The following SOX5 variants were observed in gnomAD, a reference collection of about 807,000 sequenced individuals.
SOX5 encodes transcription factor SOX-5.
In SOX5, 9 loss-of-function variants were observed where a neutral mutation model predicts 92.0. The ratio of observed to expected loss-of-function variants is 0.10; its 90% CI spans 0.06 to 0.17. The LOEUF is 0.17. Among genes scored for constraint, SOX5 ranks in the 10% least tolerant of loss-of-function variants. The pLI, the probability that SOX5 is intolerant of heterozygous loss-of-function variation, is 1.00. For missense variants in SOX5, 642 were observed against 944.5 expected (o/e 0.68, Z 4.20); for synonymous variants, 344 against 336.3 (o/e 1.02, Z -0.25).
chr12:24,343,137 G>C (rs370466904), intron 2 of SOX5, among the ~76,000 whole-genome samples: 1 of 152,202 alleles, frequency 6.6e-6, no homozygotes, highest in South Asian at 2.1e-4. Flanking sequence ...GCTGAAGTGC[G>C]TGCCAGCCCA....
chr12:24,136,907 A>T (rs1950157007), intron 4 of SOX5, among the ~76,000 whole-genome samples: 1 of 152,224 alleles, frequency 6.6e-6, no homozygotes, highest in African/African-American at 2.4e-5. Flanking sequence ...AATAAATTAG[A>T]GTTTTAATGT....
intron 3 of SOX5, among the ~76,000 whole-genome samples, chr12:24,234,319 T>A (rs1366509893): frequency 6.6e-6 from 1 of 152,228 alleles, no homozygotes; most frequent in African/African-American, 2.4e-5. Flanking sequence ...ATACAATTTT[T>A]AAAAAATTTC....
At position 23,738,176 on chromosome 12, in the gene SOX5, T is replaced by C. The variant is rs564846631; in HGVS notation, c.741+2691A>G. The stretch of plus-strand genomic sequence containing the variant: ...GCTCAGAATCTGGGGGAAAGGCTCA[T>C]CAGTAAACAGGTCCTTTAGCTTTTG... On this transcript the variant is annotated intron_variant, in intron 5 of 14. Transcript: ENST00000451604. Among the ~76,000 whole-genome samples the C allele has an allele frequency of 4.6e-5, 7 of 152,294 alleles. No individual in the cohort carries two copies. In the South Asian group the frequency reaches 1.0e-3, roughly 23 times the overall value.
intron 3 of SOX5, among the ~76,000 whole-genome samples, chr12:23,758,008 CAAAAAAAAAAAAA>C (rs34841595): frequency 2.9e-5 from 2 of 68,220 alleles, no homozygotes; most frequent in Non-Finnish European, 4.8e-5. Context: ...GCACACACTA[CAAAAAAAAAAAAA>C]AAAAAAAAAA....
chr12:24,223,718 G>A (rs1961100774), intron 3 of SOX5, among the ~76,000 whole-genome samples: 1 of 152,134 alleles, frequency 6.6e-6, no homozygotes, highest in South Asian at 2.1e-4. Context: ...TCACACCACT[G>A]CACTCTAGCT....
At chr12:24,174,479 T>C (rs745740311) in intron 4 of SOX5, among the ~76,000 whole-genome samples, 2 of 151,958 alleles carry the variant, frequency 1.3e-5, no homozygotes, top group Non-Finnish European at 2.9e-5. Flanking sequence ...AACCAATTCT[T>C]GTTCCAGACA....
rs57044625 is a variant in SOX5, at chr12:24,031,199, T to TTATATATA, written c.-1-135183_-1-135176dup. 6.2e-3 allele frequency among the ~76,000 whole-genome samples: 912 copies of TTATATATA among 147,436 alleles called. 8 individuals carry two copies. The highest frequency in any genetic ancestry group is 0.021 in the African/African-American group (849 of 39,958). ...TATGATCCAGCAATCCTGCTACTAG[T>TTATATATA]TATATATATATATATACACAAAGGA... On this transcript the variant is annotated intron_variant, in intron 4 of 4. Transcript: ENST00000446891.
At chr12:23,909,218 C>T (rs991994901) in intron 1 of SOX5, among the ~76,000 whole-genome samples, 7 of 152,112 alleles carry the variant, frequency 4.6e-5, no homozygotes, top group South Asian at 2.1e-4. Context: ...TTTAAAAGTA[C>T]GTCATAGAGA....
In SOX5 at chr12:23,918,648, G is replaced by A. The variant is rs1037799459; in HGVS notation, c.39-22624C>T. Among the ~76,000 whole-genome samples the A allele has an allele frequency of 3.9e-5, 6 of 151,942 alleles. No individual in the cohort carries two copies. The East Asian group carries it at 5.8e-4, about 15-fold the overall frequency. ...CTGATATATATAAGAAAAATGGGCC[G>A]GGCGTGGTGGCTCATGCCTGTAATC... On this transcript the variant is annotated intron_variant, in intron 1 of 14. Transcript: ENST00000451604.
intron 1 of SOX5, among the ~76,000 whole-genome samples, chr12:24,397,311 C>T (rs911797434): frequency 1.3e-5 from 2 of 151,816 alleles, no homozygotes; most frequent in African/African-American, 2.4e-5. Context: ...ATGAAAGACT[C>T]GTGACAGTTT....
At chr12:23,981,114 G>C (rs1050829082) in intron 4 of SOX5, among the ~76,000 whole-genome samples, 5 of 152,008 alleles carry the variant, frequency 3.3e-5, no homozygotes, top group African/African-American at 9.7e-5. Context: ...CTATATGGTA[G>C]GGACTTTCAA....
chr12:24,335,972 C>CTCATATATATATATATATATATATATAT lies in SOX5; in HGVS notation c.-174+32590_-174+32591insATATATATATATATATATATATATATGA, dbSNP rs769537310. On this transcript the variant is annotated intron_variant, in intron 2 of 4. Transcript: ENST00000446891. The stretch of plus-strand genomic sequence containing the variant: ...CCTGGGTCCAGGCTAGAAATGCTAT[C>CTCATATATATATATATATATATATATAT]ATATATATATATATATCCATAATAT... Among the ~76,000 whole-genome samples the CTCATATATATATATATATATATATATAT allele has an allele frequency of 1.0e-4, 6 of 58,612 alleles. 1 individual carries two copies. Among genetic ancestry groups the CTCATATATATATATATATATATATATAT allele is most frequent in the African/African-American group, 3.9e-4 (6 of 15,364 alleles). 38.5% of individuals were successfully genotyped at this position (58,612 alleles called of 152,430 possible). A position where few individuals can be genotyped will look rare whatever the true frequency, so the allele number is the denominator to read the frequency against.
intron 2 of SOX5, among the ~76,000 whole-genome samples, chr12:23,863,033 G>A (rs1170803522): frequency 6.6e-6 from 1 of 152,226 alleles, no homozygotes; most frequent in African/African-American, 2.4e-5. Context: ...TTTCTTGAGT[G>A]TGGTAGAATA....
intron 2 of SOX5, among the ~76,000 whole-genome samples, chr12:24,320,902 C>G (rs369650440): frequency 6.6e-6 from 1 of 151,388 alleles, no homozygotes; most frequent in East Asian, 1.9e-4. Flanking sequence ...TAATAATATA[C>G]AGTGTGCAAC....
chr12:24,471,737 A>G (rs932040095), intron 1 of SOX5, among the ~76,000 whole-genome samples: 3 of 152,218 alleles, frequency 2.0e-5, no homozygotes, highest in African/African-American at 7.2e-5. Flanking sequence ...ACTCCAACTT[A>G]TAAAATCATA....
intron 1 of SOX5, among the ~76,000 whole-genome samples, chr12:24,468,732 G>A (rs1239480446): frequency 2.6e-5 from 4 of 152,064 alleles, no homozygotes; most frequent in Non-Finnish European, 5.9e-5. Flanking sequence ...AATGTTTTAT[G>A]TTTAAATATT....
rs958700986 is a variant in SOX5 at position 24,201,035 on chromosome 12, C to T, written c.-2+12308G>A. ...GGAGGAACTATCACAGAACTATACA[C>T]CCAACAATTCATAACATGGTCAATA... On this transcript the variant is annotated intron_variant, in intron 4 of 4. Coordinates refer to the SOX5 transcript ENST00000446891. Among the ~76,000 whole-genome samples, 5 of 152,252 alleles carry T rather than the reference C, an allele frequency of 3.3e-5. No individual in the cohort carries two copies. In the South Asian group the frequency reaches 1.0e-3, roughly 32 times the overall value.
At chr12:23,547,675 AT>A (rs1943399338) in intron 11 of SOX5, among the ~76,000 whole-genome samples, 1 of 152,162 alleles carries the variant, frequency 6.6e-6, no homozygotes, top group Non-Finnish European at 1.5e-5. Context: ...TATTCATCAA[AT>A]TATGTACATT....
chr12:23,919,451 T>C (rs2097456943), intron 1 of SOX5, among the ~76,000 whole-genome samples: 1 of 152,248 alleles, frequency 6.6e-6, no homozygotes, highest in South Asian at 2.1e-4. Context: ...TTGGTATTTG[T>C]TGTCACTTCA....
Sources: gnomAD v4.1 joint callset for allele counts (sites outside exome capture counted in the v4.1 genomes callset) on GRCh38, gnomAD v4.1.1 for gene constraint, MANE v1.5 for transcripts, NCBI Gene and HGNC (gene_info 2026-07-23, HGNC 2026-07-21) for gene names.